ELOVL6: variants seen among roughly 807,000 people sequenced by gnomAD.
ELOVL6 encodes the protein very long chain fatty acid elongase 6.
In ELOVL6, 8 loss-of-function variants were observed where a neutral mutation model predicts 31.7. The ratio of observed to expected loss-of-function variants is 0.25; its 90% CI spans 0.15 to 0.45. The LOEUF (loss-of-function observed/expected upper bound fraction) is 0.45, where lower values mean the gene tolerates loss of function less well. ELOVL6 is among the 20% of genes least tolerant of loss of function. ELOVL6 has a pLI of 1.00. For missense variants in ELOVL6, 126 were observed against 326.4 expected (o/e 0.39, Z 4.73); for synonymous variants, 101 against 117.7 (o/e 0.86, Z 0.92).
chr4:110,126,839 T>C (rs1353360931), intron 1 of ELOVL6, among the ~76,000 whole-genome samples: 1 of 152,180 alleles, frequency 6.6e-6, no homozygotes, highest in African/African-American at 2.4e-5. Flanking sequence ...TTTAGCTACC[T>C]ATCTTCAGCC....
intron 1 of ELOVL6, among the ~76,000 whole-genome samples, chr4:110,140,468 G>A (rs1192539708): frequency 6.6e-6 from 1 of 151,766 alleles, no homozygotes; most frequent in Admixed American, 6.6e-5. Context: ...TTACTCTGTC[G>A]CCCAGGCTGA....
chr4:110,063,951 G>A (rs1047541226), intron 2 of ELOVL6, among the ~76,000 whole-genome samples: 3 of 151,376 alleles, frequency 2.0e-5, no homozygotes, highest in Admixed American at 2.0e-4. Flanking sequence ...GGTGGTACAC[G>A]CCTGTAATCC....
chr4:110,092,404 AT>A (rs1756451280), intron 2 of ELOVL6, among the ~76,000 whole-genome samples: 1 of 152,148 alleles, frequency 6.6e-6, no homozygotes, highest in South Asian at 2.1e-4. Context: ...TAGGAAAATG[AT>A]TTTCATTGCT....
At chr4:110,176,650 T>A (rs990994552) in intron 1 of ELOVL6, among the ~76,000 whole-genome samples, 3 of 152,222 alleles carry the variant, frequency 2.0e-5, no homozygotes, top group African/African-American at 7.2e-5. Context: ...CTTTACCCGA[T>A]ATTGTGTGGA....
chr4:110,196,449 C>G (rs1666080156), intron 1 of ELOVL6, among the ~76,000 whole-genome samples: 1 of 152,202 alleles, frequency 6.6e-6, no homozygotes, highest in Non-Finnish European at 1.5e-5. Context: ...CCAGCACCAC[C>G]CCCTAAGCGG....
chr4:110,115,247 G>A (rs1052468108), intron 1 of ELOVL6, among the ~76,000 whole-genome samples: 6 of 152,130 alleles, frequency 3.9e-5, no homozygotes, highest in African/African-American at 1.4e-4. Context: ...CAGCAGTGAC[G>A]ATGATCTCAT....
At chr4:110,098,128 G>T (rs4698809) in intron 2 of ELOVL6, among the ~76,000 whole-genome samples, 1 of 151,958 alleles carries the variant, frequency 6.6e-6, no homozygotes, top group African/African-American at 2.4e-5. Flanking sequence ...AGTTGAACAC[G>T]GACAGAAAAG....
At chr4:110,081,239 C>T (rs916903114) in intron 2 of ELOVL6, among the ~76,000 whole-genome samples, 1 of 152,160 alleles carries the variant, frequency 6.6e-6, no homozygotes. Flanking sequence ...TTGGAAAAAA[C>T]CACTTTAAAG....
intron 3 of ELOVL6, among the ~76,000 whole-genome samples, chr4:110,056,128 G>GGA (rs372715676): frequency 2.2e-4 from 31 of 143,310 alleles, no homozygotes; most frequent in African/African-American, 7.0e-4. Flanking sequence ...GAGCTGGGGG[G>GGA]GGGGATACAG....
intron 2 of ELOVL6, 84 bp downstream of exon 2, chr4:110,105,412 AT>A: frequency 2.9e-6 from 4 of 1,378,854 alleles, no homozygotes; most frequent in Non-Finnish European, 4.0e-6. Context: ...AAAATATCAG[AT>A]TTAAAATCAA....
chr4:110,147,063 A>T (rs1215240384), intron 1 of ELOVL6: 1 of 153,842 alleles, frequency 6.5e-6, no homozygotes, highest in Non-Finnish European at 1.4e-5. Context: ...AAACATATCC[A>T]GGTGAACAAA....
At chr4:110,152,376 C>A (rs1758301791) in intron 1 of ELOVL6, among the ~76,000 whole-genome samples, 1 of 152,200 alleles carries the variant, frequency 6.6e-6, no homozygotes, top group South Asian at 2.1e-4. Flanking sequence ...CTGCTATTGT[C>A]ATCCTATTAG....
At chr4:110,071,655 C>T (rs572741338) in intron 2 of ELOVL6, among the ~76,000 whole-genome samples, 1 of 152,226 alleles carries the variant, frequency 6.6e-6, no homozygotes, top group South Asian at 2.1e-4. Flanking sequence ...ACAGTTTCCT[C>T]CACCGCTCCC....
At chr4:110,164,586 A>T (rs990582429) in intron 1 of ELOVL6, among the ~76,000 whole-genome samples, 2 of 151,792 alleles carry the variant, frequency 1.3e-5, no homozygotes, top group Non-Finnish European at 2.9e-5. Context: ...CAAAAAATAG[A>T]AAAATTAGCC....
intron 2 of ELOVL6, among the ~76,000 whole-genome samples, chr4:110,075,860 C>T (rs767608947): frequency 8.5e-5 from 13 of 152,112 alleles, no homozygotes; most frequent in Non-Finnish European, 1.8e-4. Flanking sequence ...CTTCCATATA[C>T]CAATTAAATG....
chr4:110,159,619 A>T (rs562964420), intron 1 of ELOVL6, among the ~76,000 whole-genome samples: 2 of 152,310 alleles, frequency 1.3e-5, no homozygotes, highest in South Asian at 4.1e-4. Flanking sequence ...TATTTTAAAA[A>T]CTATCGTGCA....
chr4:110,149,513 G>A (rs1394991217), intron 1 of ELOVL6, among the ~76,000 whole-genome samples: 1 of 152,172 alleles, frequency 6.6e-6, no homozygotes, highest in African/African-American at 2.4e-5. Flanking sequence ...TATCTTAAGT[G>A]AAACAATTCA....
intron 1 of ELOVL6, among the ~76,000 whole-genome samples, chr4:110,145,903 C>T (rs28588790): frequency 0.13 from 19,270 of 152,150 alleles, 1,334 homozygotes; most frequent in African/African-American, 0.15. Context: ...ATAATTAATA[C>T]CATCAAAATG....
At chr4:110,095,177 C>T (rs971170153) in intron 2 of ELOVL6, among the ~76,000 whole-genome samples, 3 of 152,040 alleles carry the variant, frequency 2.0e-5, no homozygotes, top group Non-Finnish European at 2.9e-5. Context: ...GTAAGTGCAG[C>T]GTGTTCAAAG....
Sources: allele counts gnomAD v4.1 joint callset (sites outside exome capture counted in the v4.1 genomes callset), GRCh38; gene constraint gnomAD v4.1.1; transcripts MANE v1.5; gene names NCBI Gene and HGNC (gene_info 2026-07-23, HGNC 2026-07-21).